Variants in DCDC1 observed in about 807,000 individuals in gnomAD.
The protein encoded by DCDC1 is doublecortin domain containing 1, also known as doublecortin domain-containing protein 1.
DCDC1 carries 200 observed loss-of-function variants against 178.3 expected under a neutral mutation model. That is an observed-to-expected ratio of 1.12 (90% CI 1.00 to 1.26). The LOEUF is 1.26. DCDC1 is among the 50% of genes most tolerant of loss of function. The pLI, the probability that DCDC1 is intolerant of heterozygous loss-of-function variation, is 0.00. For missense variants in DCDC1, 1,983 were observed against 1,749.2 expected, an observed-to-expected ratio of 1.13 and a Z score of -2.38; for synonymous variants, 690 against 604.8, an observed-to-expected ratio of 1.14 and a Z score of -2.07.
Position 30,906,522 on chromosome 11 carries a change from G to T in DCDC1, c.4104+18C>A. ...TTGTTGCCATACATGCATTAGCAGA[G>T]CTCAGATCATTACATACCTCAGCCA... On this transcript the variant is annotated intron_variant, in intron 30 of 38. Coordinates refer to ENST00000684477, the MANE Select transcript of DCDC1 (RefSeq NM_001387274.1). 6.2e-7 allele frequency: 1 copy of T among 1,607,086 alleles called. No homozygotes were observed. The highest frequency in any genetic ancestry group is 8.5e-7 in the Non-Finnish European group (1 of 1,176,380).
intron 20 of DCDC1, among the ~76,000 whole-genome samples, chr11:30,953,331 T>C (rs1227851129): frequency 6.7e-6 from 1 of 149,440 alleles, no homozygotes; most frequent in Non-Finnish European, 1.5e-5. Context: ...TAATTATAAG[T>C]AAACACACAT....
intron 9 of DCDC1, among the ~76,000 whole-genome samples, chr11:31,226,058 C>T (rs183288918): frequency 1.3e-5 from 2 of 152,028 alleles, no homozygotes; most frequent in African/African-American, 4.8e-5. Flanking sequence ...TAAGGAACCA[C>T]GCTGAGGAAT....
At chr11:31,200,976 C>T (rs1591384063) in intron 9 of DCDC1, among the ~76,000 whole-genome samples, 2 of 151,852 alleles carry the variant, frequency 1.3e-5, no homozygotes, top group East Asian at 3.9e-4. Flanking sequence ...CTTCTAGCCC[C>T]CAAATCTTCT....
At chr11:30,997,802 A>G (rs1951350575) in intron 20 of DCDC1, among the ~76,000 whole-genome samples, 1 of 147,022 alleles carries the variant, frequency 6.8e-6, no homozygotes, top group Non-Finnish European at 1.5e-5. Context: ...TTACCATACC[A>G]TAGTGTGTAT....
chr11:31,202,076 C>T (rs1481459457), intron 9 of DCDC1, among the ~76,000 whole-genome samples: 1 of 152,106 alleles, frequency 6.6e-6, no homozygotes, highest in Admixed American at 6.5e-5. Context: ...CTCCATAGTG[C>T]ACTGCAGTGT....
At chr11:30,889,111 G>C (rs1407749201) in intron 36 of DCDC1, among the ~76,000 whole-genome samples, 2 of 152,214 alleles carry the variant, frequency 1.3e-5, no homozygotes, top group Non-Finnish European at 2.9e-5. Context: ...GAATTAGAGA[G>C]CTGCTGCAGG....
chr11:31,351,613 GA>G (rs1490259598), intron 1 of DCDC1, among the ~76,000 whole-genome samples: 1 of 151,932 alleles, frequency 6.6e-6, no homozygotes, highest in East Asian at 1.9e-4. Flanking sequence ...TTGAAGGCAG[GA>G]AAAAAACTTC....
At position 30,899,580 on chromosome 11, in the gene DCDC1, C is replaced by G; in HGVS notation, c.4726G>C (p.Asp1576His). The change falls in exon 34 of 39, where the codon GAT (aspartate) becomes CAT (histidine). Residue 1576 changes from aspartate to histidine, a missense_variant. Asp to His is a moderately conservative substitution (Grantham distance 81). Coordinates refer to ENST00000684477, the MANE Select transcript of DCDC1 (RefSeq NM_001387274.1). ...NWLKKDRILADLDTMRHKMRQ... is the reference protein window; with the variant it reads ...NWLKKDRILAHLDTMRHKMRQ... ...ATTTTGTGTCTCATGGTATCTAGAT[C>G]AGCCAAAATTCTGTCCTTTTTTAGC... 1 of 1,586,198 alleles carries G rather than the reference C, an allele frequency of 6.3e-7. No homozygotes were observed. Among genetic ancestry groups the G allele is most frequent in the Non-Finnish European group, 8.6e-7 (1 of 1,165,474 alleles).
intron 20 of DCDC1, among the ~76,000 whole-genome samples, chr11:30,956,178 A>C (rs1948760550): frequency 6.6e-6 from 1 of 152,184 alleles, no homozygotes; most frequent in Non-Finnish European, 1.5e-5. Flanking sequence ...TGGAGTCTAA[A>C]GCCAAAGTAT....
chr11:31,340,793 T>C (rs754078007), intron 1 of DCDC1, among the ~76,000 whole-genome samples: 1 of 152,152 alleles, frequency 6.6e-6, no homozygotes, highest in Non-Finnish European at 1.5e-5. Flanking sequence ...GATATTGGAC[T>C]CACATAGCCT....
chr11:31,229,768 A>T (rs1457527637), intron 9 of DCDC1, among the ~76,000 whole-genome samples: 1 of 152,208 alleles, frequency 6.6e-6, no homozygotes, highest in Middle Eastern at 3.2e-3. Context: ...TGAAGACTAG[A>T]AAACACAATG....
intron 9 of DCDC1, among the ~76,000 whole-genome samples, chr11:31,207,444 G>A (rs555154701): frequency 2.0e-5 from 3 of 152,252 alleles, no homozygotes; most frequent in South Asian, 2.1e-4. Flanking sequence ...TGTTGATTGA[G>A]TTATTCTGTT....
At chr11:31,360,436 A>T (rs1951648171) in intron 1 of DCDC1, among the ~76,000 whole-genome samples, 1 of 152,226 alleles carries the variant, frequency 6.6e-6, no homozygotes, top group Admixed American at 6.5e-5. Context: ...TATACAGTAT[A>T]GTATCAAACC....
rs1963324387 is a variant in DCDC1 at position 31,137,710 on chromosome 11, G to A, written c.1296C>T (p.His432=). 1 of 702,406 alleles carries A rather than the reference G, an allele frequency of 1.4e-6. No individual in the cohort carries two copies. The highest frequency in any genetic ancestry group is 2.6e-6 in the Non-Finnish European group (1 of 384,836). 43.5% of individuals were successfully genotyped at this position (702,406 alleles called of 1,614,324 possible). A position where few individuals can be genotyped will look rare whatever the true frequency, so the allele number is the denominator to read the frequency against. Residue 432 remains histidine (H), a synonymous_variant, in exon 10 of 39, where the codon CAC becomes CAT. Coordinates refer to ENST00000684477, the MANE Select transcript of DCDC1 (RefSeq NM_001387274.1). ...TCCTTACTTCTTCCTGTTCCTTATGGTGTTCCTTTGCCGTCATTGAAAGAA... is the reference window on the plus strand; with the variant it reads ...TCCTTACTTCTTCCTGTTCCTTATGATGTTCCTTTGCCGTCATTGAAAGAA... ...KVILSMTAKE[H]HKEQEEVSRL...
chr11:30,962,267 T>A (rs541244851), intron 20 of DCDC1, among the ~76,000 whole-genome samples: 1 of 152,210 alleles, frequency 6.6e-6, no homozygotes, highest in East Asian at 1.9e-4. Context: ...TTGTACAAAC[T>A]AATAAATACA....
chr11:30,873,348 T>C (rs1178315304), intron 38 of DCDC1, among the ~76,000 whole-genome samples: 4 of 116,064 alleles, frequency 3.4e-5, no homozygotes, highest in Non-Finnish European at 5.8e-5. Flanking sequence ...TATATACATA[T>C]ATATATATAT....
chr11:30,930,520 C>T (rs1185782992), intron 22 of DCDC1, among the ~76,000 whole-genome samples: 2 of 152,034 alleles, frequency 1.3e-5, no homozygotes, highest in African/African-American at 2.4e-5. Context: ...TACCTGAATA[C>T]GTGATGAACT....
At chr11:30,905,516 T>G (rs923456858) in intron 30 of DCDC1, among the ~76,000 whole-genome samples, 1 of 152,168 alleles carries the variant, frequency 6.6e-6, no homozygotes, top group Non-Finnish European at 1.5e-5. Flanking sequence ...GCCTCTGAAT[T>G]TTTAACTTTA....
rs566016413 is a variant in DCDC1 at position 30,998,462 on chromosome 11, C to G, written c.2592-45894G>C. On this transcript the variant is annotated intron_variant, in intron 20 of 38. Coordinates refer to ENST00000684477, the MANE Select transcript of DCDC1 (RefSeq NM_001387274.1). ...GTCACCCAAAGAATAAAGTAAATAT[C>G]CATCAGTCCATATAAACAATAAGTT... Among the ~76,000 whole-genome samples, 16 of 151,998 alleles carry G rather than the reference C, an allele frequency of 1.1e-4. No individual in the cohort carries two copies. The East Asian group carries it at 3.1e-3, about 29-fold the overall frequency.
Sources: gnomAD v4.1 joint callset for allele counts (sites outside exome capture counted in the v4.1 genomes callset) on GRCh38, gnomAD v4.1.1 for gene constraint, MANE v1.5 for transcripts, NCBI Gene and HGNC (gene_info 2026-07-23, HGNC 2026-07-21) for gene names.